The following PTHLH variants were observed in gnomAD, a reference collection of about 807,000 sequenced individuals.
PTHLH encodes the protein parathyroid hormone like hormone, also known as parathyroid hormone-related protein.
Under a neutral mutation model 18.6 loss-of-function variants are expected in PTHLH, and 5 were observed. The ratio of observed to expected loss-of-function variants is 0.27; its 90% CI spans 0.14 to 0.56. The LOEUF is 0.56. Ranked by LOEUF, PTHLH falls within the 20% of genes least tolerant of loss-of-function variation. The pLI, the probability that PTHLH is intolerant of heterozygous loss-of-function variation, is 0.92. For missense variants in PTHLH, 207 were observed against 223.9 expected (o/e 0.92, Z 0.48); for synonymous variants, 90 against 94.0 (o/e 0.96, Z 0.25).
At chr12:27,962,970 A>T in intron 5 of PTHLH, 1 of 1,138,010 alleles carries the variant, frequency 8.8e-7, no homozygotes, top group African/African-American at 1.6e-5. Flanking sequence ...AAAAACACTG[A>T]AGAAAGTTTG....
Position 27,964,137 on chromosome 12 carries a change from C to T in PTHLH, c.102-367G>A, listed in dbSNP as rs555717958. ...GTTATGATCAGAAATAGACAGAAAC[C>T]ACGGAGTATCTCTTCACATTTTTCA... On this transcript the variant is annotated intron_variant, in intron 4 of 5. Coordinates refer to ENST00000545234, the MANE Select transcript of PTHLH (RefSeq NM_198965.2). Among the ~76,000 whole-genome samples, 7 of 152,178 alleles carry T rather than the reference C, an allele frequency of 4.6e-5. No homozygotes were observed. The South Asian group carries it at 1.5e-3, about 32-fold the overall frequency.
At chr12:27,962,727 T>G in intron 5 of PTHLH, 1 of 982,208 alleles carries the variant, frequency 1.0e-6, no homozygotes, top group Non-Finnish European at 1.2e-6. Context: ...TTATTTTGTA[T>G]GAGCTGGTAG....
At chr12:27,962,496 A>G in intron 5 of PTHLH, 1 of 966,092 alleles carries the variant, frequency 1.0e-6, no homozygotes. Context: ...AAATAAATTC[A>G]GACCCAAGAC....
Position 27,961,301 on chromosome 12 carries a change from G to A in PTHLH, c.524+2047C>T, listed in dbSNP as rs1193862915. ...CATATATATACGTATATATATATAC[G>A]TATATATATATATATATATACGTAT... On this transcript the variant is annotated intron_variant, in intron 5 of 5. Transcript: ENST00000545234. 1.9e-4 allele frequency among the ~76,000 whole-genome samples: 16 copies of A among 84,546 alleles called. 2 individuals are homozygous for A. Among genetic ancestry groups the A allele is most frequent in the Admixed American group, 4.7e-4 (3 of 6,364 alleles). 55.5% of individuals were successfully genotyped at this position (84,546 alleles called of 152,430 possible).
intron 5 of PTHLH, among the ~76,000 whole-genome samples, chr12:27,961,289 A>ATATATATATATACG (rs1216700849): frequency 3.2e-5 from 1 of 31,574 alleles, no homozygotes; most frequent in African/African-American, 1.4e-4. Flanking sequence ...ATATATACGT[A>ATATATATATATACG]TATATATATA....
In PTHLH at chr12:27,970,262, G is replaced by C. The variant is rs1362594691; in HGVS notation, c.-260C>G. 2.4e-6 allele frequency: 1 copy of C among 419,204 alleles called. No homozygotes were observed. The highest frequency in any genetic ancestry group is 4.7e-6 in the Non-Finnish European group (1 of 210,596). The allele number at this position is 419,204 out of a possible 1,614,324, so 26.0% of individuals were successfully genotyped here. On this transcript the variant is annotated 5_prime_UTR_variant, in exon 3 of 6. Coordinates refer to ENST00000545234, the MANE Select transcript of PTHLH (RefSeq NM_198965.2). Reference sequence around the variant, plus strand: ...CGGAGGAATGTTCACACGCTCCGAGGCAAACCTGCCGGAGAAGTGAGCTAG... The same window carrying C: ...CGGAGGAATGTTCACACGCTCCGAGCCAAACCTGCCGGAGAAGTGAGCTAG...
At position 27,970,076 on chromosome 12, in the gene PTHLH, A is replaced by G. The variant is rs1430740714; in HGVS notation, c.-74T>C. The G allele has an allele frequency of 1.9e-6, 1 of 519,030 alleles. No homozygotes were observed. 32.2% of individuals were successfully genotyped at this position (519,030 alleles called of 1,614,324 possible). A position where few individuals can be genotyped will look rare whatever the true frequency, so the allele number is the denominator to read the frequency against. ...GAAAGTTGATTCCACACACCCTGAG[A>G]ACAAGTTTCAAGTGCGTGTGTCGTC... On this transcript the variant is annotated 5_prime_UTR_variant, in exon 3 of 6. Coordinates refer to ENST00000545234, the MANE Select transcript of PTHLH (RefSeq NM_198965.2).
intron 5 of PTHLH, among the ~76,000 whole-genome samples, chr12:27,959,697 C>A (rs2062738152): frequency 6.6e-6 from 1 of 152,130 alleles, no homozygotes; most frequent in African/African-American, 2.4e-5. Flanking sequence ...ACAGAAAAAG[C>A]AAATTGAACA....
chr12:27,968,987 A>G (rs1312702184), intron 4 of PTHLH: 1 of 171,144 alleles, frequency 5.8e-6, no homozygotes, highest in African/African-American at 2.4e-5. Context: ...CGCCACCCAC[A>G]TTCAGTATGT....
chr12:27,969,545 G>A, intron 3 of PTHLH, 29 bp from the exon 4 acceptor site: 3 of 1,517,926 alleles, frequency 2.0e-6, no homozygotes, highest in Non-Finnish European at 2.7e-6. Context: ...GGACCCGAGT[G>A]TCAGTCTGGA....
chr12:27,961,073 ACCT>A (rs1475985600), intron 5 of PTHLH, among the ~76,000 whole-genome samples: 1 of 151,422 alleles, frequency 6.6e-6, no homozygotes, highest in African/African-American at 2.4e-5. Flanking sequence ...AAAAGCAGAA[ACCT>A]CCTATTTCTT....
At chr12:27,968,514 T>C (rs1319817345) in intron 4 of PTHLH, among the ~76,000 whole-genome samples, 3 of 152,232 alleles carry the variant, frequency 2.0e-5, no homozygotes, top group Non-Finnish European at 4.4e-5. Context: ...CCAACTATGG[T>C]GTTATACACA....
intron 2 of PTHLH, among the ~76,000 whole-genome samples, chr12:27,970,681 C>T (rs1412880823): frequency 6.6e-6 from 1 of 152,008 alleles, no homozygotes; most frequent in Non-Finnish European, 1.5e-5. Flanking sequence ...GCGCGCCGAG[C>T]TGGACGAGCG....
chr12:27,970,531 T>C (rs1457189854), intron 2 of PTHLH, among the ~76,000 whole-genome samples: 5 of 151,724 alleles, frequency 3.3e-5, no homozygotes, highest in African/African-American at 7.3e-5. Flanking sequence ...GCCCGGGCCC[T>C]GTCGCGCCAT....
intron 4 of PTHLH, among the ~76,000 whole-genome samples, chr12:27,967,769 C>G (rs2062829000): frequency 6.6e-6 from 1 of 152,166 alleles, no homozygotes; most frequent in African/African-American, 2.4e-5. Flanking sequence ...CACCCACAAA[C>G]AAAACTATAA....
chr12:27,963,803 A>G lies in PTHLH; in HGVS notation c.102-33T>C, dbSNP rs1213619423. ...AGAAAATATTAGAGGGGAAGAAAAC[A>G]GTTAAATTTTAGTTGCTGATAGAGA... On this transcript the variant is annotated intron_variant, in intron 4 of 5. Transcript: ENST00000545234. 2.5e-6 allele frequency: 4 copies of G among 1,606,960 alleles called. No homozygotes were observed. The South Asian group carries it at 3.3e-5, about 13-fold the overall frequency.
intron 4 of PTHLH, among the ~76,000 whole-genome samples, chr12:27,966,303 T>C (rs1318586510): frequency 6.6e-6 from 1 of 152,232 alleles, no homozygotes; most frequent in Non-Finnish European, 1.5e-5. Flanking sequence ...GGACAAAGCT[T>C]TTCATCTGCC....
In PTHLH at chr12:27,963,704, T is replaced by C; in HGVS notation, c.168A>G (p.Arg56=). 1 of 1,613,426 alleles carries C rather than the reference T, an allele frequency of 6.2e-7. No individual in the cohort carries two copies. Among genetic ancestry groups the C allele is most frequent in the Non-Finnish European group, 8.5e-7 (1 of 1,179,800 alleles). Residue 56 remains arginine (R), a synonymous_variant, in exon 5 of 6, where the codon CGA becomes CGG. Coordinates refer to ENST00000545234, the MANE Select transcript of PTHLH (RefSeq NM_198965.2). ...DKGKSIQDLR[R]RFFLHHLIAE... ...CGATCAGATGGTGAAGGAAGAATCG[T>C]CGCCGTAAATCTTGGATGGACTTCC...
chr12:27,968,928 C>A (rs2062841128), intron 4 of PTHLH, among the ~76,000 whole-genome samples: 1 of 152,134 alleles, frequency 6.6e-6, no homozygotes. Flanking sequence ...AAAATTATGT[C>A]ATTCATAATA....
Sources: gnomAD v4.1 joint callset for allele counts (sites outside exome capture counted in the v4.1 genomes callset) on GRCh38, gnomAD v4.1.1 for gene constraint, MANE v1.5 for transcripts, NCBI Gene and HGNC (gene_info 2026-07-23, HGNC 2026-07-21) for gene names.